Variants in LRFN2 observed in about 807,000 individuals in gnomAD.
The protein encoded by LRFN2 is leucine rich repeat and fibronectin type III domain containing 2, also known as leucine-rich repeat and fibronectin type-III domain-containing protein 2.
A neutral mutation model predicts 37.3 loss-of-function variants in LRFN2; 18 were observed. That is an observed-to-expected ratio of 0.48 (90% CI 0.33 to 0.72). LRFN2 has a LOEUF of 0.72. LRFN2 is among the 30% of genes least tolerant of loss of function. The pLI, the probability that LRFN2 is intolerant of heterozygous loss-of-function variation, is 0.02. For missense variants in LRFN2, 1,006 were observed against 1,060.7 expected, an observed-to-expected ratio of 0.95 and a Z score of 0.72; for synonymous variants, 556 against 466.6, an observed-to-expected ratio of 1.19 and a Z score of -2.47.
At chr6:40,516,962 A>C (rs1345314567) in intron 1 of LRFN2, among the ~76,000 whole-genome samples, 4 of 152,186 alleles carry the variant, frequency 2.6e-5, no homozygotes, top group African/African-American at 9.7e-5. Flanking sequence ...ACTATGAACT[A>C]GGCCCTGTTC....
chr6:40,498,534 C>G (rs1765291670), intron 1 of LRFN2, among the ~76,000 whole-genome samples: 1 of 152,218 alleles, frequency 6.6e-6, no homozygotes, highest in Non-Finnish European at 1.5e-5. Flanking sequence ...AGCATGTAGA[C>G]TTGCTCCCAA....
chr6:40,471,637 T>C (rs34446478), intron 1 of LRFN2, among the ~76,000 whole-genome samples: 3,938 of 152,294 alleles, frequency 0.026, 131 homozygotes, highest in African/African-American at 0.072. Context: ...ATGGCAGTGC[T>C]GCCTTCAAAG....
chr6:40,407,045 G>C (rs1469493894), intron 2 of LRFN2, among the ~76,000 whole-genome samples: 2 of 152,160 alleles, frequency 1.3e-5, no homozygotes, highest in Non-Finnish European at 2.9e-5. Flanking sequence ...GTCACACTGA[G>C]CAGACTGTCA....
chr6:40,441,631 T>C (rs1246941246), intron 1 of LRFN2, among the ~76,000 whole-genome samples: 4 of 152,182 alleles, frequency 2.6e-5, no homozygotes, highest in Non-Finnish European at 4.4e-5. Context: ...TGTCCCTGCT[T>C]TGGGGACACA....
At chr6:40,578,373 A>T (rs188155076) in intron 1 of LRFN2, among the ~76,000 whole-genome samples, 96 of 152,218 alleles carry the variant, frequency 6.3e-4, no homozygotes, top group African/African-American at 2.1e-3. Context: ...GATTCTTGTG[A>T]CCCCTCGCCT....
chr6:40,490,374 G>A (rs1176306032), intron 1 of LRFN2, among the ~76,000 whole-genome samples: 2 of 152,196 alleles, frequency 1.3e-5, no homozygotes, highest in Non-Finnish European at 2.9e-5. Flanking sequence ...CAGCGAGGCT[G>A]CAGCTGCCTG....
intron 1 of LRFN2, among the ~76,000 whole-genome samples, chr6:40,447,925 CA>C (rs1764009262): frequency 6.6e-6 from 1 of 152,184 alleles, no homozygotes; most frequent in Admixed American, 6.5e-5. Context: ...AAAATGTACA[CA>C]AGGCTCTATC....
intron 1 of LRFN2, among the ~76,000 whole-genome samples, chr6:40,446,004 G>A (rs1763960318): frequency 1.3e-5 from 2 of 152,192 alleles, no homozygotes; most frequent in African/African-American, 4.8e-5. Flanking sequence ...AGTTGTGACT[G>A]GCTGTTCTCA....
At chr6:40,460,330 C>A (rs1561864816) in intron 1 of LRFN2, among the ~76,000 whole-genome samples, 1 of 152,226 alleles carries the variant, frequency 6.6e-6, no homozygotes, top group East Asian at 1.9e-4. Flanking sequence ...CAGTCCCCTG[C>A]AGATGGAAGA....
chr6:40,409,292 T>A (rs1169614473), intron 2 of LRFN2, among the ~76,000 whole-genome samples: 1 of 152,166 alleles, frequency 6.6e-6, no homozygotes, highest in Non-Finnish European at 1.5e-5. Context: ...CAGGGTGAAT[T>A]TGTGCTCTAG....
At chr6:40,505,924 G>A (rs2113880183) in intron 1 of LRFN2, among the ~76,000 whole-genome samples, 1 of 152,306 alleles carries the variant, frequency 6.6e-6, no homozygotes, top group Admixed American at 6.5e-5. Flanking sequence ...AAATGACCTT[G>A]ACATGAGACA....
intron 1 of LRFN2, among the ~76,000 whole-genome samples, chr6:40,578,554 A>T (rs1369339027): frequency 1.3e-5 from 2 of 152,198 alleles, no homozygotes; most frequent in African/African-American, 4.8e-5. Context: ...GAGATTCCCC[A>T]AATTAATGTC....
chr6:40,416,288 C>T (rs1581688439), intron 2 of LRFN2, among the ~76,000 whole-genome samples: 2 of 152,228 alleles, frequency 1.3e-5, no homozygotes, highest in Admixed American at 1.3e-4. Flanking sequence ...GGATTACAGG[C>T]GTGAGCCACC....
chr6:40,406,456 C>A (rs1041395902), intron 2 of LRFN2, among the ~76,000 whole-genome samples: 2 of 152,202 alleles, frequency 1.3e-5, no homozygotes, highest in African/African-American at 4.8e-5. Flanking sequence ...TGCTGACTAA[C>A]CAAGGTGTCT....
chr6:40,542,634 A>T (rs538985895), intron 1 of LRFN2, among the ~76,000 whole-genome samples: 7 of 152,180 alleles, frequency 4.6e-5, no homozygotes, highest in Non-Finnish European at 1.0e-4. Flanking sequence ...GGGAAGTGAG[A>T]TACTAAAGGA....
At chr6:40,572,879 T>C (rs999691629) in intron 1 of LRFN2, among the ~76,000 whole-genome samples, 4 of 152,166 alleles carry the variant, frequency 2.6e-5, no homozygotes, top group Non-Finnish European at 5.9e-5. Flanking sequence ...GTGCCTCCTC[T>C]ACCTGCTGGG....
intron 1 of LRFN2, among the ~76,000 whole-genome samples, chr6:40,570,813 A>T (rs1767174085): frequency 6.6e-6 from 1 of 152,204 alleles, no homozygotes; most frequent in East Asian, 1.9e-4. Context: ...AAAGAACATG[A>T]TCTTTTCTAG....
intron 1 of LRFN2, among the ~76,000 whole-genome samples, chr6:40,478,975 T>C (rs1764766247): frequency 6.6e-6 from 1 of 152,180 alleles, no homozygotes. Flanking sequence ...TGTACAAAAT[T>C]ATACTCTGAG....
intron 1 of LRFN2, among the ~76,000 whole-genome samples, chr6:40,554,516 A>C (rs1766833420): frequency 6.6e-6 from 1 of 152,126 alleles, no homozygotes; most frequent in Non-Finnish European, 1.5e-5. Flanking sequence ...TTGACAGGGA[A>C]CAGAAAGGTG....
Sources: gnomAD v4.1 joint callset for allele counts (sites outside exome capture counted in the v4.1 genomes callset) on GRCh38, gnomAD v4.1.1 for gene constraint, MANE v1.5 for transcripts, NCBI Gene and HGNC (gene_info 2026-07-23, HGNC 2026-07-21) for gene names.